Variants in MCF2L2 observed in about 807,000 individuals in gnomAD.
The protein encoded by MCF2L2 is MCF.2 cell line derived transforming sequence-like 2.
MCF2L2 carries 102 observed loss-of-function variants against 150.2 expected under a neutral mutation model. The observed-to-expected ratio is 0.68, with a 90% CI of 0.58 to 0.80. The LOEUF is 0.80. MCF2L2 is among the 30% of genes least tolerant of loss of function. The pLI, the probability that MCF2L2 is intolerant of heterozygous loss-of-function variation, is 0.00. For missense variants in MCF2L2, 1,256 were observed against 1,372.8 expected, an observed-to-expected ratio of 0.91 and a Z score of 1.34; for synonymous variants, 465 against 491.3, an observed-to-expected ratio of 0.95 and a Z score of 0.71.
chr3:183,381,064 G>A (rs1377721715), intron 2 of MCF2L2, among the ~76,000 whole-genome samples: 4 of 152,204 alleles, frequency 2.6e-5, no homozygotes, highest in African/African-American at 9.6e-5. Flanking sequence ...AGAGAATTGA[G>A]AGGGTTTGGG....
intron 3 of MCF2L2, among the ~76,000 whole-genome samples, chr3:183,349,891 G>C (rs1731045965): frequency 6.7e-6 from 1 of 149,980 alleles, no homozygotes; most frequent in Non-Finnish European, 1.5e-5. Flanking sequence ...TTTTCTACTT[G>C]AACCACGTAA....
chr3:183,213,113 C>T (rs980504654), intron 22 of MCF2L2, among the ~76,000 whole-genome samples: 6 of 151,998 alleles, frequency 3.9e-5, no homozygotes, highest in Non-Finnish European at 2.9e-5. Flanking sequence ...ACTTACAATA[C>T]AAGTACATCC....
At chr3:183,415,335 C>T (rs534536132) in intron 1 of MCF2L2, among the ~76,000 whole-genome samples, 9 of 152,080 alleles carry the variant, frequency 5.9e-5, no homozygotes, top group Admixed American at 2.6e-4. Context: ...TACAGGTGCC[C>T]GCCACCACAC....
intron 3 of MCF2L2, among the ~76,000 whole-genome samples, chr3:183,360,563 C>A (rs180680360): frequency 5.7e-4 from 86 of 151,022 alleles, no homozygotes; most frequent in African/African-American, 2.1e-3. Flanking sequence ...AGAATGAGAA[C>A]CTGTCTCAAA....
chr3:183,264,382 T>G (rs1358852424), intron 15 of MCF2L2, among the ~76,000 whole-genome samples: 1 of 152,246 alleles, frequency 6.6e-6, no homozygotes, highest in Non-Finnish European at 1.5e-5. Flanking sequence ...GTTGGTGTCA[T>G]GCAGACACAC....
intron 10 of MCF2L2, among the ~76,000 whole-genome samples, chr3:183,307,958 CTT>C (rs1729179923): frequency 6.6e-6 from 1 of 152,232 alleles, no homozygotes; most frequent in Admixed American, 6.5e-5. Context: ...TTCCCTAAGT[CTT>C]TGCATGATTA....
At chr3:183,380,711 C>T (rs1450605974) in intron 2 of MCF2L2, among the ~76,000 whole-genome samples, 2 of 152,118 alleles carry the variant, frequency 1.3e-5, no homozygotes, top group Non-Finnish European at 2.9e-5. Context: ...CCAGGTAGTT[C>T]CCAACTTCAA....
At chr3:183,259,979 T>C (rs1468248493) in intron 15 of MCF2L2, among the ~76,000 whole-genome samples, 1 of 152,154 alleles carries the variant, frequency 6.6e-6, no homozygotes, top group Non-Finnish European at 1.5e-5. Flanking sequence ...TTCTCATCCA[T>C]CTTGGGTTGC....
intron 3 of MCF2L2, among the ~76,000 whole-genome samples, chr3:183,361,709 A>G (rs1046145022): frequency 8.6e-5 from 13 of 151,818 alleles, no homozygotes; most frequent in Admixed American, 3.9e-4. Context: ...ACGGACAAGT[A>G]CAGTTACTCT....
chr3:183,200,885 T>TAGGA (rs1722255527), intron 25 of MCF2L2, among the ~76,000 whole-genome samples: 1 of 152,252 alleles, frequency 6.6e-6, no homozygotes, highest in South Asian at 2.1e-4. Context: ...TAGGGAATCC[T>TAGGA]TTCCCTATTT....
At chr3:183,404,794 C>T (rs996402257) in intron 1 of MCF2L2, among the ~76,000 whole-genome samples, 9 of 151,812 alleles carry the variant, frequency 5.9e-5, no homozygotes, top group African/African-American at 1.7e-4. Flanking sequence ...ACCTGGGAGG[C>T]GGAGGTTGCA....
intron 1 of MCF2L2, among the ~76,000 whole-genome samples, chr3:183,413,103 T>C (rs1332104634): frequency 2.0e-5 from 3 of 152,222 alleles, no homozygotes; most frequent in African/African-American, 7.2e-5. Context: ...ATCTTTTTTG[T>C]ATGTTGCTGG....
intron 15 of MCF2L2, among the ~76,000 whole-genome samples, chr3:183,259,468 C>A (rs560241883): frequency 1.3e-5 from 2 of 152,260 alleles, no homozygotes; most frequent in South Asian, 2.1e-4. Flanking sequence ...TACATCTCTT[C>A]ATCAGGTTTA....
At chr3:183,298,588 A>G (rs913689063) in intron 11 of MCF2L2, 4 of 152,216 alleles carry the variant, frequency 2.6e-5, no homozygotes, top group Middle Eastern at 3.4e-3. Context: ...TTCTTCCTAC[A>G]TTTTTGGATT....
At chr3:183,323,617 C>A (rs1281287054) in intron 5 of MCF2L2, among the ~76,000 whole-genome samples, 2 of 151,242 alleles carry the variant, frequency 1.3e-5, no homozygotes, top group African/African-American at 4.9e-5. Context: ...CATAGCAAGA[C>A]CCCATCACTA....
chr3:183,344,181 A>C (rs74985804), intron 3 of MCF2L2, among the ~76,000 whole-genome samples: 2,701 of 152,154 alleles, frequency 0.018, 73 homozygotes, highest in South Asian at 0.09. Flanking sequence ...TATTGGGTGA[A>C]ATTAAACTAT....
At chr3:183,304,378 A>G (rs2108502514) in intron 10 of MCF2L2, among the ~76,000 whole-genome samples, 1 of 152,244 alleles carries the variant, frequency 6.6e-6, no homozygotes, top group South Asian at 2.1e-4. Context: ...AAATACCCAG[A>G]ACACTTGTTC....
chr3:183,278,306 TGTTATG>T (rs1727283394), intron 14 of MCF2L2, among the ~76,000 whole-genome samples: 1 of 151,528 alleles, frequency 6.6e-6, no homozygotes, highest in Non-Finnish European at 1.5e-5. Context: ...TGTGTGTGTG[TGTTATG>T]ATGTACTTCT....
At chr3:183,353,480 T>C (rs76561375) in intron 3 of MCF2L2, among the ~76,000 whole-genome samples, 3,121 of 152,282 alleles carry the variant, frequency 0.02, 97 homozygotes, top group African/African-American at 0.069. Flanking sequence ...GAGTTTTAAT[T>C]GGTTCACGGT....
Sources: allele counts gnomAD v4.1 joint callset (sites outside exome capture counted in the v4.1 genomes callset), GRCh38; gene constraint gnomAD v4.1.1; transcripts MANE v1.5; gene names NCBI Gene and HGNC (gene_info 2026-07-23, HGNC 2026-07-21).